CAPS2: variants seen among roughly 807,000 people sequenced by gnomAD.
The protein encoded by CAPS2 is calcyphosine 2, also known as calcyphosin-2.
In CAPS2, 98 loss-of-function variants were observed where a neutral mutation model predicts 86.5. The ratio of observed to expected loss-of-function variants is 1.13; its 90% CI spans 0.96 to 1.34. The LOEUF is 1.34. CAPS2 is among the 40% of genes most tolerant of loss of function. The pLI is 0.00. For missense variants in CAPS2, 729 were observed against 686.8 expected, an observed-to-expected ratio of 1.06 and a Z score of -0.69; for synonymous variants, 210 against 225.1, an observed-to-expected ratio of 0.93 and a Z score of 0.60.
intron 5 of CAPS2, among the ~76,000 whole-genome samples, chr12:75,319,278 T>G (rs918525999): frequency 5.3e-5 from 8 of 151,998 alleles, no homozygotes; most frequent in African/African-American, 1.9e-4. Context: ...AATGTTGGAG[T>G]GGTGTTTGGG....
At chr12:75,370,191 A>G (rs2044269182) in intron 1 of CAPS2, 1 of 1,234,780 alleles carries the variant, frequency 8.1e-7, no homozygotes, top group Admixed American at 1.7e-5. Flanking sequence ...ATTTATATAC[A>G]AAAGAAATTC....
At chr12:75,372,436 A>G (rs923127478) in intron 1 of CAPS2, among the ~76,000 whole-genome samples, 2 of 152,210 alleles carry the variant, frequency 1.3e-5, no homozygotes, top group African/African-American at 4.8e-5. Context: ...CCAGTTTAAT[A>G]GAATACTTCT....
At chr12:75,348,339 A>C (rs1236722510) in intron 1 of CAPS2, among the ~76,000 whole-genome samples, 4 of 152,236 alleles carry the variant, frequency 2.6e-5, no homozygotes, top group Non-Finnish European at 5.9e-5. Flanking sequence ...ATAAATATGC[A>C]AAACTGATGA....
chr12:75,303,485 G>A (rs1323956364), intron 8 of CAPS2, among the ~76,000 whole-genome samples: 2 of 152,148 alleles, frequency 1.3e-5, no homozygotes, highest in African/African-American at 2.4e-5. Context: ...GGGGAGGTTC[G>A]GGGTACTGGC....
At chr12:75,314,541 C>CT (rs2039560213) in intron 6 of CAPS2, among the ~76,000 whole-genome samples, 1 of 151,988 alleles carries the variant, frequency 6.6e-6, no homozygotes, top group South Asian at 2.1e-4. Context: ...GCTCATGATG[C>CT]TTTATAAGAT....
In CAPS2 at chr12:75,335,940, G is replaced by A. The variant is rs572769096; in HGVS notation, c.-394-12718C>T. Among the ~76,000 whole-genome samples, 3 of 152,048 alleles carry A rather than the reference G, an allele frequency of 2.0e-5. No homozygotes were observed. In the South Asian group the frequency reaches 6.2e-4, roughly 32 times the overall value. ...AAATGTATGATAAAAAAGAGTAAAT[G>A]TGGGGTTAAATATAATAAATGTTCT... is the stretch of plus-strand genomic sequence containing the variant. On this transcript the variant is annotated intron_variant, in intron 1 of 5. Transcript: ENST00000551829.
chr12:75,343,322 G>A (rs1401657245), intron 1 of CAPS2, among the ~76,000 whole-genome samples: 1 of 151,368 alleles, frequency 6.6e-6, no homozygotes, highest in African/African-American at 2.4e-5. Flanking sequence ...CTAGTTTTTT[G>A]CCCTTTTTAA....
chr12:75,354,974 T>C (rs1484005405), intron 1 of CAPS2, among the ~76,000 whole-genome samples: 1 of 152,150 alleles, frequency 6.6e-6, no homozygotes. Context: ...TATACAAAAA[T>C]TAGCTCAAGA....
At chr12:75,317,796 T>C (rs1210486599) in intron 5 of CAPS2, among the ~76,000 whole-genome samples, 1 of 150,512 alleles carries the variant, frequency 6.6e-6, no homozygotes, top group African/African-American at 2.4e-5. Flanking sequence ...TCACCACACA[T>C]AGTTACCATT....
chr12:75,329,355 T>C (rs973590284), upstream of CAPS2, among the ~76,000 whole-genome samples: 4 of 152,194 alleles, frequency 2.6e-5, no homozygotes, highest in African/African-American at 9.7e-5. Context: ...GGGAAAGCAC[T>C]TCTAAATGGC....
intron 16 of CAPS2, among the ~76,000 whole-genome samples, chr12:75,281,727 A>T (rs141888152): frequency 8.3e-4 from 127 of 152,200 alleles, no homozygotes; most frequent in African/African-American, 3.0e-3. Flanking sequence ...AAAAGCATGC[A>T]CTTATAAAAC....
At chr12:75,276,654 T>G (rs927865828), downstream of CAPS2, 9 of 839,926 alleles carry the variant, frequency 1.1e-5, no homozygotes, top group Non-Finnish European at 1.3e-5. Flanking sequence ...AATAAAATGT[T>G]TTTCCTTAAA....
intron 1 of CAPS2, among the ~76,000 whole-genome samples, chr12:75,384,467 T>C (rs927488896): frequency 6.6e-5 from 10 of 152,082 alleles, no homozygotes; most frequent in Admixed American, 5.9e-4. Context: ...AAATAGACAA[T>C]CTGAAGAGGC....
intron 1 of CAPS2, chr12:75,364,702 A>G (rs1404643758): frequency 6.6e-6 from 1 of 152,226 alleles, no homozygotes; most frequent in Non-Finnish European, 1.5e-5. Flanking sequence ...GCAATTAGCT[A>G]CACAGAACAT....
intron 7 of CAPS2, chr12:75,305,946 C>T: frequency 5.2e-6 from 6 of 1,153,670 alleles, no homozygotes; most frequent in South Asian, 2.6e-5. Context: ...CGCTGGAGCC[C>T]GAGGAGCATG....
chr12:75,291,993 G>GATT (rs960642272), intron 12 of CAPS2, among the ~76,000 whole-genome samples, 173 bp from the exon 13 acceptor site: 8 of 152,060 alleles, frequency 5.3e-5, no homozygotes, highest in African/African-American at 1.9e-4. Context: ...TGCCTAAGAA[G>GATT]ATTAAACTGA....
upstream of CAPS2, among the ~76,000 whole-genome samples, chr12:75,332,603 T>C (rs996812331): frequency 4.6e-5 from 7 of 152,070 alleles, no homozygotes; most frequent in Non-Finnish European, 2.9e-5. Flanking sequence ...TATATAACAA[T>C]TAAAATATAG....
Position 75,289,683 on chromosome 12 carries a change from G to C in CAPS2, c.1333C>G (p.Leu445Val), listed in dbSNP as rs367762993. ...TGCTTAAAATCTGCCTTATCTAAAAGTCCATTTCCTTCCTTGTCCAACTGT... is the reference window on the plus strand; with the variant it reads ...TGCTTAAAATCTGCCTTATCTAAAACTCCATTTCCTTCCTTGTCCAACTGT... The change falls in exon 14 of 17, where the codon CTT (leucine) becomes GTT (valine). Residue 445 changes from leucine (L) to valine (V), a missense_variant. Leu to Val is a conservative substitution (Grantham distance 32). Coordinates refer to ENST00000393284, the Ensembl canonical transcript of CAPS2. The C allele has an allele frequency of 8.3e-5, 134 of 1,613,232 alleles. No individual in the cohort carries two copies. The highest frequency in any genetic ancestry group is 1.1e-4 in the Non-Finnish European group (127 of 1,179,652).
At chr12:75,358,515 G>T (rs144932432) in intron 1 of CAPS2, among the ~76,000 whole-genome samples, 139 of 150,968 alleles carry the variant, frequency 9.2e-4, no homozygotes, top group Admixed American at 6.4e-3. Flanking sequence ...CCTGATGAAG[G>T]CTCCTAACAA....
Sources: gnomAD v4.1 joint callset for allele counts (sites outside exome capture counted in the v4.1 genomes callset) on GRCh38, gnomAD v4.1.1 for gene constraint, MANE v1.5 for transcripts, NCBI Gene and HGNC (gene_info 2026-07-23, HGNC 2026-07-21) for gene names.